The following ADGRV1 variants were observed in gnomAD, a reference collection of about 807,000 sequenced individuals.
ADGRV1 encodes the protein adhesion G protein-coupled receptor V1.
In ADGRV1, 359 loss-of-function variants were observed where a neutral mutation model predicts 596.2. That is an observed-to-expected ratio of 0.60 (90% CI 0.55 to 0.66). ADGRV1 has a LOEUF of 0.66. Ranked by LOEUF, ADGRV1 falls within the 30% of genes least tolerant of loss-of-function variation. ADGRV1 has a pLI of 0.00. For synonymous variants in ADGRV1, 2,681 were observed against 2,679.2 expected (o/e 1.00, Z -0.02); for missense variants, 7,274 against 7,575.6 (o/e 0.96, Z 1.48).
chr5:90,619,239 A>G (rs868740040), intron 4 of ADGRV1, 58 bp downstream of exon 4: 17 of 826,516 alleles, frequency 2.1e-5, no homozygotes, highest in African/African-American at 2.0e-4. Context: ...TTAAATTTTA[A>G]AAATTAGTTT....
chr5:91,026,405 T>C (rs1045658812), intron 85 of ADGRV1, among the ~76,000 whole-genome samples: 13 of 152,130 alleles, frequency 8.5e-5, no homozygotes, highest in African/African-American at 3.1e-4. Flanking sequence ...GATTTAATTA[T>C]GAAATAATAT....
At chr5:90,989,580 T>C (rs1780797571) in intron 85 of ADGRV1, among the ~76,000 whole-genome samples, 1 of 152,128 alleles carries the variant, frequency 6.6e-6, no homozygotes, top group South Asian at 2.1e-4. Context: ...TGCCCCTATC[T>C]ATAATTTCTT....
At chr5:91,024,964 T>TA (rs1436894679) in intron 85 of ADGRV1, among the ~76,000 whole-genome samples, 1 of 152,134 alleles carries the variant, frequency 6.6e-6, no homozygotes, top group Non-Finnish European at 1.5e-5. Flanking sequence ...TGTGCCAAGG[T>TA]AAAAGGCTTT....
rs1368293076 is a variant in ADGRV1 at position 90,778,474 on chromosome 5, G to C, written c.12714G>C (p.Gln4238His). 1.8e-5 allele frequency: 29 copies of C among 1,613,018 alleles called. No individual in the cohort carries two copies. Among genetic ancestry groups the C allele is most frequent in the Non-Finnish European group, 2.4e-5 (28 of 1,179,406 alleles). ...IPEEKSFYEF[Q>H]LTAVSEGGVL... ...AGGAAAAAAGCTTCTATGAGTTTCAGCTCACTGCAGTCAGTGAGGGAGGAG... is the reference window on the plus strand; with the variant it reads ...AGGAAAAAAGCTTCTATGAGTTTCACCTCACTGCAGTCAGTGAGGGAGGAG... Residue 4238 changes from glutamine (Q) to histidine (H), a missense_variant, in exon 63 of 90, where the codon CAG becomes CAC. By Grantham distance (24) the Gln-to-His change is conservative (BLOSUM62 0). This residue lies in a region of ADGRV1 where 3,643 missense variants were observed against 3,809.2 expected (regional missense o/e 0.96). Coordinates refer to ENST00000405460, the MANE Select transcript of ADGRV1 (RefSeq NM_032119.4).
At position 90,689,969 on chromosome 5, in the gene ADGRV1, C is replaced by A. The variant is rs771621314; in HGVS notation, c.6599C>A (p.Ser2200Tyr). The change falls in exon 30 of 90, where the codon TCT becomes TAT. Residue 2200 changes from serine to tyrosine, a missense_variant. Physicochemically the swap from Ser to Tyr is moderately radical, Grantham distance 144. Transcript: ENST00000405460. ...INDIYPELEE[S>Y]FLVQLMNETT... is the part of the protein sequence containing the mutation. ...GATATCTATCCTGAACTGGAAGAAT[C>A]TTTTCTTGTGCAACTGATGAATGAA... The A allele has an allele frequency of 1.2e-5, 19 of 1,610,772 alleles. No homozygotes were observed. The highest frequency in any genetic ancestry group is 1.4e-5 in the Non-Finnish European group (17 of 1,178,192).
At chr5:91,146,007 A>G (rs1795506697) in intron 87 of ADGRV1, among the ~76,000 whole-genome samples, 1 of 152,196 alleles carries the variant, frequency 6.6e-6, no homozygotes, top group Non-Finnish European at 1.5e-5. Context: ...CCCACAAGAA[A>G]GTTATTGCTT....
chr5:90,689,610 C>A (rs1280176969), intron 29 of ADGRV1, among the ~76,000 whole-genome samples: 2 of 151,944 alleles, frequency 1.3e-5, no homozygotes, highest in Admixed American at 1.3e-4. Flanking sequence ...AGATATACAT[C>A]TTTCTGAAAG....
At chr5:91,142,579 T>G (rs551828935) in intron 87 of ADGRV1, among the ~76,000 whole-genome samples, 1 of 152,324 alleles carries the variant, frequency 6.6e-6, no homozygotes, top group African/African-American at 2.4e-5. Context: ...TTTCCTGTTT[T>G]AACCACTTCT....
In ADGRV1 at chr5:90,855,829, G is replaced by C. The variant is rs1025278736; in HGVS notation, c.17683G>C (p.Val5895Leu). 6.2e-7 allele frequency: 1 copy of C among 1,612,790 alleles called. No individual in the cohort carries two copies. The highest frequency in any genetic ancestry group is 8.5e-7 in the Non-Finnish European group (1 of 1,179,026). Reference sequence around the variant, plus strand: ...CTGTTCACACATGTCTGTGTATGCTGTCTATGCTCGGACTGACAACTTGTC... The same window carrying C: ...CTGTTCACACATGTCTGTGTATGCTCTCTATGCTCGGACTGACAACTTGTC... ...CACSHMSVYA[V>L]YARTDNLSSY... The change falls in exon 82 of 90, where the codon GTC becomes CTC. Residue 5895 changes from valine (V) to leucine (L), a missense_variant. This residue lies in a region of ADGRV1 where 1,874 missense variants were observed against 1,970.2 expected (regional missense o/e 0.95). Coordinates refer to ENST00000405460, the MANE Select transcript of ADGRV1 (RefSeq NM_032119.4).
chr5:90,976,025 C>T (rs1032990391), intron 84 of ADGRV1, among the ~76,000 whole-genome samples: 4 of 151,696 alleles, frequency 2.6e-5, no homozygotes, highest in East Asian at 1.9e-4. Context: ...AAAACATAAT[C>T]GAATACTAAA....
chr5:90,908,951 T>A (rs1299311764), intron 83 of ADGRV1, among the ~76,000 whole-genome samples: 1 of 152,018 alleles, frequency 6.6e-6, no homozygotes, highest in Admixed American at 6.6e-5. Context: ...GGAAGTAGGA[T>A]TTTAGAGTGA....
chr5:90,704,543 G>T, intron 36 of ADGRV1, 55 bp downstream of exon 36: 1 of 1,083,880 alleles, frequency 9.2e-7, no homozygotes, highest in Non-Finnish European at 1.4e-6. Context: ...GTAAAAGAAA[G>T]AAAATTGTTA....
At position 91,062,953 on chromosome 5, in the gene ADGRV1, C is replaced by CTTT. The variant is rs70973726; in HGVS notation, c.18153-9473_18153-9471dup. ...GTGTGCTAGAAGAGTGTTTCTCAAA[C>CTTT]TTTTTTTTTTTTTTTTTTTTTTTGA... On this transcript the variant is annotated intron_variant, in intron 85 of 89. Transcript: ENST00000405460. 1.0e-3 allele frequency among the ~76,000 whole-genome samples: 84 copies of CTTT among 80,814 alleles called. 1 individual carries two copies. The highest frequency in any genetic ancestry group is 1.4e-3 in the Admixed American group (9 of 6,440). 53.0% of individuals were successfully genotyped at this position (80,814 alleles called of 152,430 possible). A position where few individuals can be genotyped will look rare whatever the true frequency, so the allele number is the denominator to read the frequency against.
At chr5:91,006,172 A>T (rs1333653876) in intron 85 of ADGRV1, among the ~76,000 whole-genome samples, 1 of 152,176 alleles carries the variant, frequency 6.6e-6, no homozygotes, top group Non-Finnish European at 1.5e-5. Flanking sequence ...CTCAGCTGGT[A>T]AATAAGTTAA....
At chr5:91,123,520 C>G (rs370488724) in intron 87 of ADGRV1, among the ~76,000 whole-genome samples, 2 of 152,106 alleles carry the variant, frequency 1.3e-5, no homozygotes, top group Non-Finnish European at 2.9e-5. Flanking sequence ...GAGGGTAGAG[C>G]CCTCATGACC....
intron 42 of ADGRV1, among the ~76,000 whole-genome samples, 190 bp from the exon 43 acceptor site, chr5:90,716,277 A>G (rs1250349155): frequency 6.6e-6 from 1 of 152,154 alleles, no homozygotes; most frequent in African/African-American, 2.4e-5. Flanking sequence ...ATTACTGAGT[A>G]TTTTTCTATC....
chr5:90,575,816 A>G (rs772644437), intron 1 of ADGRV1, among the ~76,000 whole-genome samples: 5 of 152,064 alleles, frequency 3.3e-5, no homozygotes, highest in African/African-American at 7.2e-5. Flanking sequence ...CATGATCCAA[A>G]TCTGCCTCCT....
chr5:90,797,143 G>A (rs1309074260), intron 70 of ADGRV1, among the ~76,000 whole-genome samples: 1 of 151,944 alleles, frequency 6.6e-6, no homozygotes, highest in East Asian at 1.9e-4. Context: ...AATGTAAATG[G>A]GCTAAATGTC....
chr5:90,722,238 A>G (rs1488178340), intron 45 of ADGRV1, among the ~76,000 whole-genome samples: 1 of 152,164 alleles, frequency 6.6e-6, no homozygotes, highest in Admixed American at 6.6e-5. Flanking sequence ...GGGAAGTACC[A>G]AAGATGACTC....
Sources: allele counts gnomAD v4.1 joint callset (sites outside exome capture counted in the v4.1 genomes callset), GRCh38; gene constraint gnomAD v4.1.1; regional missense constraint gnomAD v4.1.1; transcripts MANE v1.5; gene names NCBI Gene and HGNC (gene_info 2026-07-23, HGNC 2026-07-21).